CIT: variants seen among roughly 807,000 people sequenced by gnomAD.
CIT encodes citron rho-interacting serine/threonine kinase, also known as citron Rho-interacting kinase.
Under a neutral mutation model 272.7 loss-of-function variants are expected in CIT, and 79 were observed. The ratio of observed to expected loss-of-function variants is 0.29; its 90% CI spans 0.24 to 0.35. The LOEUF (loss-of-function observed/expected upper bound fraction) is 0.35. CIT is among the 10% of genes least tolerant of loss of function. The pLI is 1.00. For synonymous variants in CIT, 948 were observed against 995.6 expected, an observed-to-expected ratio of 0.95 and a Z score of 0.90; for missense variants, 1,909 against 2,618.3, an observed-to-expected ratio of 0.73 and a Z score of 5.91.
At chr12:119,700,615 T>G in intron 44 of CIT, 130 bp downstream of exon 44, 1 of 763,640 alleles carries the variant, frequency 1.3e-6, no homozygotes, top group Non-Finnish European at 2.4e-6. Context: ...ACTCCTGACC[T>G]CATGATCCAC....
At chr12:119,716,234 C>G (rs1957465368) in intron 32 of CIT, among the ~76,000 whole-genome samples, 2 of 151,528 alleles carry the variant, frequency 1.3e-5, no homozygotes, top group African/African-American at 2.4e-5. Flanking sequence ...AAATATTAGC[C>G]AGGCATGGTG....
chr12:119,838,521 T>C (rs758970881), intron 5 of CIT, among the ~76,000 whole-genome samples: 6 of 152,214 alleles, frequency 3.9e-5, no homozygotes, highest in Admixed American at 2.0e-4. Context: ...GAATCTATAG[T>C]AAAAGGAGCT....
intron 19 of CIT, among the ~76,000 whole-genome samples, chr12:119,766,479 T>C (rs1962467923): frequency 6.6e-6 from 1 of 152,022 alleles, no homozygotes; most frequent in African/African-American, 2.4e-5. Flanking sequence ...TTAACAGAGG[T>C]TGGGAAGCGT....
At chr12:119,838,046 G>A (rs1033397768) in intron 5 of CIT, among the ~76,000 whole-genome samples, 12 of 152,102 alleles carry the variant, frequency 7.9e-5, no homozygotes, top group African/African-American at 2.7e-4. Context: ...TAAAGCTGAC[G>A]TTCCGGTATA....
At chr12:119,806,874 G>A (rs1230494790) in intron 9 of CIT, among the ~76,000 whole-genome samples, 3 of 152,016 alleles carry the variant, frequency 2.0e-5, no homozygotes, top group Non-Finnish European at 4.4e-5. Context: ...CATTTGAAAG[G>A]AACCAAACTG....
In CIT at chr12:119,721,454, T is replaced by C. The variant is rs773902339; in HGVS notation, c.3592-5A>G. The C allele has an allele frequency of 1.6e-5, 25 of 1,601,608 alleles. No individual in the cohort carries two copies. Among genetic ancestry groups the C allele is most frequent in the East Asian group, 2.2e-5 (1 of 44,556 alleles). ...CTGCTGCTGTAATTTGGCTTGCTAGTGGGGAGAAGGGCCAGGGAAATGCTT... is the reference window on the plus strand; with the variant it reads ...CTGCTGCTGTAATTTGGCTTGCTAGCGGGGAGAAGGGCCAGGGAAATGCTT... On this transcript the variant is annotated splice_polypyrimidine_tract_variant and splice_region_variant and intron_variant, in intron 28 of 47. Coordinates refer to ENST00000392521, the MANE Select transcript of CIT (RefSeq NM_001206999.2).
intron 23 of CIT, among the ~76,000 whole-genome samples, chr12:119,748,593 T>G (rs1959778942): frequency 6.6e-6 from 1 of 152,212 alleles, no homozygotes; most frequent in Admixed American, 6.5e-5. Flanking sequence ...GCTTACTAAT[T>G]AATTAAACAG....
At chr12:119,730,952 A>C (rs1958404053) in intron 26 of CIT, among the ~76,000 whole-genome samples, 2 of 151,886 alleles carry the variant, frequency 1.3e-5, no homozygotes, top group African/African-American at 4.8e-5. Flanking sequence ...ACGTGGTGAA[A>C]TCCCATCTTT....
At chr12:119,863,201 CAAAAAAAAAA>C (rs751421292) in intron 3 of CIT, among the ~76,000 whole-genome samples, 12 of 40,524 alleles carry the variant, frequency 3.0e-4, no homozygotes, top group African/African-American at 6.1e-4. Context: ...GACTCTGTAT[CAAAAAAAAAA>C]AAAAAAAAAA....
chr12:119,871,417 C>T (rs566790432), intron 2 of CIT, among the ~76,000 whole-genome samples: 6 of 152,234 alleles, frequency 3.9e-5, no homozygotes, highest in Middle Eastern at 3.4e-3. Context: ...AGAAACAGAC[C>T]GGCTGCATTT....
At chr12:119,705,073 T>G (rs1462975611) in intron 40 of CIT, among the ~76,000 whole-genome samples, 2 of 152,050 alleles carry the variant, frequency 1.3e-5, no homozygotes, top group African/African-American at 4.8e-5. Context: ...CCACCATGCC[T>G]GGCCAATTTT....
At chr12:119,723,017 T>G (rs1957884813) in intron 28 of CIT, among the ~76,000 whole-genome samples, 1 of 152,002 alleles carries the variant, frequency 6.6e-6, no homozygotes, top group South Asian at 2.1e-4. Context: ...ATTATGCCAC[T>G]GCATTCCAGC....
rs141709224 is a variant in CIT at position 119,735,248 on chromosome 12, T to C, written c.3068A>G (p.Asn1023Ser). Residue 1023 changes from asparagine (N) to serine (S), a missense_variant, in exon 25 of 48, where the codon AAC becomes AGC. Physicochemically the swap from Asn to Ser is conservative, Grantham distance 46 (BLOSUM62 1). Around this residue, in one of 8 missense-constraint regions of CIT, gnomAD observed 530 missense variants for 822.4 expected, o/e 0.64. Transcript: ENST00000392521. ...ACTTCGCAGTTGTACAATCTCGTCGTTGGCGCCAGAAGCCTCATCGAGTTG... is the reference window on the plus strand; with the variant it reads ...ACTTCGCAGTTGTACAATCTCGTCGCTGGCGCCAGAAGCCTCATCGAGTTG... ...SKQLDEASGA[N>S]DEIVQLRSEV... is the part of the protein sequence containing the mutation. The C allele has an allele frequency of 5.0e-6, 8 of 1,614,074 alleles. No homozygotes were observed. In the African/African-American group the frequency reaches 6.7e-5, roughly 13 times the overall value.
intron 21 of CIT, among the ~76,000 whole-genome samples, 175 bp from the exon 22 acceptor site, chr12:119,757,720 C>T (rs115038598): frequency 1.7e-3 from 253 of 152,272 alleles, no homozygotes; most frequent in Middle Eastern, 6.8e-3. Context: ...CCCGGCATGA[C>T]GAACGTGGGG....
chr12:119,728,653 G>A lies in CIT; in HGVS notation c.3487-47C>T, dbSNP rs1280604973. 36 of 1,262,216 alleles carry A rather than the reference G, an allele frequency of 2.9e-5. No individual in the cohort carries two copies. Among genetic ancestry groups the A allele is most frequent in the Non-Finnish European group, 4.1e-5 (36 of 873,396 alleles). 78.2% of individuals were successfully genotyped at this position (1,262,216 alleles called of 1,614,324 possible). A position where few individuals can be genotyped will look rare whatever the true frequency, so the allele number is the denominator to read the frequency against. On this transcript the variant is annotated intron_variant, in intron 27 of 47. Coordinates refer to ENST00000392521, the MANE Select transcript of CIT (RefSeq NM_001206999.2). This position sits in a 1 kb window ranked among gnomAD's most constrained non-coding sequence, Gnocchi z 4.3. ...CATAATGCCACACTTAGGAATGTTA[G>A]ATGCTGACAACGTTTATGAATGTCC...
At chr12:119,707,178 G>A (rs565013186) in intron 40 of CIT, among the ~76,000 whole-genome samples, 1 of 152,178 alleles carries the variant, frequency 6.6e-6, no homozygotes, top group South Asian at 2.1e-4. Context: ...CACAGACACA[G>A]CAGACATACA....
At position 119,713,065 on chromosome 12, in the gene CIT, C is replaced by T. The variant is rs1433854931; in HGVS notation, c.4579+138G>A. Reference sequence around the variant, plus strand: ...TCGCACCAATAACCTTTAGAGAAGTCATTTGGTTTGTAAGTTTCAAAAATG... The same window carrying T: ...TCGCACCAATAACCTTTAGAGAAGTTATTTGGTTTGTAAGTTTCAAAAATG... On this transcript the variant is annotated intron_variant, in intron 35 of 47. Transcript: ENST00000392521. This position sits in a 1 kb window ranked among gnomAD's most constrained non-coding sequence, Gnocchi z 5.2. 5 of 709,462 alleles carry T rather than the reference C, an allele frequency of 7.0e-6. No individual in the cohort carries two copies. The highest frequency in any genetic ancestry group is 1.2e-5 in the Non-Finnish European group (5 of 403,992). The allele number at this position is 709,462 out of a possible 1,614,324, so 43.9% of individuals were successfully genotyped here.
chr12:119,762,913 T>G (rs1240707311), intron 19 of CIT, among the ~76,000 whole-genome samples: 2 of 152,074 alleles, frequency 1.3e-5, no homozygotes, highest in African/African-American at 4.8e-5. Flanking sequence ...GGGCATGGTG[T>G]TGTACACCTG....
intron 3 of CIT, among the ~76,000 whole-genome samples, chr12:119,859,635 G>A (rs1317602828): frequency 1.3e-5 from 2 of 152,054 alleles, no homozygotes; most frequent in Non-Finnish European, 2.9e-5. Flanking sequence ...TGACCAACAT[G>A]ATGAAACCCC....
Sources: allele counts gnomAD v4.1 joint callset (sites outside exome capture counted in the v4.1 genomes callset), GRCh38; gene constraint gnomAD v4.1.1; regional missense constraint gnomAD v4.1.1; non-coding constraint Gnocchi (gnomAD v3.1); transcripts MANE v1.5; gene names NCBI Gene and HGNC (gene_info 2026-07-23, HGNC 2026-07-21).